The following SMG7 variants were observed in gnomAD, a reference collection of about 807,000 sequenced individuals.
SMG7 encodes the protein nonsense-mediated mRNA decay factor SMG7.
Under a neutral mutation model 148.2 loss-of-function variants are expected in SMG7, and 34 were observed. The ratio of observed to expected loss-of-function variants is 0.23; its 90% CI spans 0.17 to 0.31. The LOEUF is 0.31. SMG7 is among the 10% of genes least tolerant of loss of function. The pLI is 1.00. For missense variants in SMG7, 1,114 were observed against 1,408.4 expected (o/e 0.79, Z 3.35); for synonymous variants, 492 against 515.1 (o/e 0.96, Z 0.61).
At chr1:183,537,812 G>A (rs1047519053) in intron 11 of SMG7, among the ~76,000 whole-genome samples, 4 of 151,982 alleles carry the variant, frequency 2.6e-5, no homozygotes, top group Non-Finnish European at 5.9e-5. Flanking sequence ...ATCTATTTAC[G>A]CACTTTCTGT....
intron 1 of SMG7, among the ~76,000 whole-genome samples, chr1:183,509,759 T>C (rs1286699602): frequency 6.6e-6 from 1 of 152,232 alleles, no homozygotes; most frequent in Non-Finnish European, 1.5e-5. Flanking sequence ...ATTTTAACTT[T>C]TATGTCAGTT....
chr1:183,514,496 A>G (rs909551626), intron 2 of SMG7, among the ~76,000 whole-genome samples: 21 of 152,198 alleles, frequency 1.4e-4, no homozygotes, highest in African/African-American at 4.6e-4. Flanking sequence ...TTACTGTATT[A>G]TGCTCTTGAA....
At chr1:183,536,635 TA>T (rs1452932300) in intron 10 of SMG7, among the ~76,000 whole-genome samples, 1 of 152,118 alleles carries the variant, frequency 6.6e-6, no homozygotes, top group African/African-American at 2.4e-5. Context: ...AAACAGAGTT[TA>T]GAGTTAAGGC....
intron 4 of SMG7, among the ~76,000 whole-genome samples, chr1:183,525,079 A>G (rs12117885): frequency 0.32 from 48,439 of 151,988 alleles, 8,469 homozygotes; most frequent in East Asian, 0.52. Flanking sequence ...CGATATTTGT[A>G]AGTAAATATT....
chr1:183,526,470 A>C, intron 4 of SMG7, 126 bp from the exon 5 acceptor site: 1 of 625,924 alleles, frequency 1.6e-6, no homozygotes, highest in Non-Finnish European at 2.7e-6. Flanking sequence ...ATTACCATAT[A>C]ATTTTCATGC....
chr1:183,547,943 G>A (rs1244734618), intron 18 of SMG7, among the ~76,000 whole-genome samples: 1 of 152,038 alleles, frequency 6.6e-6, no homozygotes, highest in Non-Finnish European at 1.5e-5. Context: ...ACTGTGGGTG[G>A]GGAGTATAAA....
In SMG7 at chr1:183,551,100, T is replaced by C. The variant is rs763915617; in HGVS notation, c.3360T>C (p.Ser1120=). 7 of 1,613,530 alleles carry C rather than the reference T, an allele frequency of 4.3e-6. No individual in the cohort carries two copies. In the East Asian group the frequency reaches 1.1e-4, roughly 26 times the overall value. The change falls in exon 22 of 23, where the codon AGT becomes AGC. Residue 1120 remains serine (S), a synonymous_variant. Coordinates refer to ENST00000688051, the MANE Select transcript of SMG7 (RefSeq NM_001375584.1). ...CAGCAACGTCATCCTCTGAGAGCAG[T>C]TGGCATCAGGCCAGCACTCCGAGTG... is the stretch of plus-strand genomic sequence containing the variant. ...YLSATSSSES[S]WHQASTPSGT... is the part of the protein sequence containing the mutation.
Position 183,529,445 on chromosome 1 carries a change from C to A in SMG7, c.755C>A (p.Ala252Asp), listed in dbSNP as rs143466724. 6.2e-7 allele frequency: 1 copy of A among 1,613,236 alleles called. No homozygotes were observed. Among genetic ancestry groups the A allele is most frequent in the Non-Finnish European group, 8.5e-7 (1 of 1,179,364 alleles). ...TKWGVSDFIK[A>D]FIKFHGHVYL... ...TGGGGTGTTTCTGACTTCATCAAGG[C>A]CTTTATTAAATTCCACGGTCATGTG... The change falls in exon 8 of 23, where the codon GCC becomes GAC. Residue 252 changes from alanine (A) to aspartate (D), a missense_variant. Physicochemically the swap from Ala to Asp is moderately radical, Grantham distance 126 (BLOSUM62 -2). This residue lies in a region of SMG7 where 216 missense variants were observed against 329.1 expected (regional missense o/e 0.66). Coordinates refer to ENST00000688051, the MANE Select transcript of SMG7 (RefSeq NM_001375584.1).
chr1:183,521,459 C>A (rs1006551822), intron 4 of SMG7, among the ~76,000 whole-genome samples: 4 of 152,140 alleles, frequency 2.6e-5, no homozygotes, highest in Admixed American at 2.6e-4. Flanking sequence ...GTGTTACTAA[C>A]AATAGTGTTC....
chr1:183,477,715 T>C (rs1266572146), intron 1 of SMG7, among the ~76,000 whole-genome samples: 1 of 150,026 alleles, frequency 6.7e-6, no homozygotes, highest in African/African-American at 2.5e-5. Flanking sequence ...TATATACGTG[T>C]GTGCATGTGT....
intron 12 of SMG7, 134 bp from the exon 13 acceptor site, chr1:183,540,850 C>T (rs557123030): frequency 2.3e-5 from 14 of 606,192 alleles, no homozygotes; most frequent in African/African-American, 1.7e-4. Context: ...CTAATAAATG[C>T]AGTTGATTAC....
Position 183,480,297 on chromosome 1 carries a change from T to G in SMG7, c.29+7648T>G, listed in dbSNP as rs542619156. On this transcript the variant is annotated intron_variant, in intron 1 of 22. Coordinates refer to ENST00000688051, the MANE Select transcript of SMG7 (RefSeq NM_001375584.1). ...TGATCTGATTTTTCTTTTCAAGTTC[T>G]GTCCTTCTTTACCTTTGTTTTATGG... 4.6e-5 allele frequency among the ~76,000 whole-genome samples: 7 copies of G among 152,322 alleles called. No homozygotes were observed. In the East Asian group the frequency reaches 1.3e-3, roughly 29 times the overall value.
intron 1 of SMG7, among the ~76,000 whole-genome samples, chr1:183,499,915 T>C (rs1304622791): frequency 6.6e-6 from 1 of 152,208 alleles, no homozygotes; most frequent in Non-Finnish European, 1.5e-5. Context: ...TACTTTGTTA[T>C]GTCTTCTAAG....
intron 1 of SMG7, chr1:183,473,811 A>G: frequency 1.0e-6 from 1 of 985,342 alleles, no homozygotes; most frequent in Non-Finnish European, 1.2e-6. Context: ...ATGAGGTGGA[A>G]GTCTGAAATG....
In SMG7 at chr1:183,472,644, C is replaced by T. The variant is rs779809462; in HGVS notation, c.24C>T (p.Tyr8=). The change falls in exon 1 of 23, where the codon TAC becomes TAT. Residue 8 remains tyrosine (Y), a synonymous_variant. Coordinates refer to ENST00000688051, the MANE Select transcript of SMG7 (RefSeq NM_001375584.1). The stretch of plus-strand genomic sequence containing the variant: ...GGATGAGCCTGCAGAGCGCGCAGTA[C>T]CTCCGGTGAGTGCCGAGGCCGGGCT... The part of the protein sequence containing the change: MSLQSAQ[Y]LRQAEVLKAD... 2.9e-5 allele frequency: 43 copies of T among 1,472,394 alleles called. No individual in the cohort carries two copies. In the South Asian group the frequency reaches 4.8e-4, roughly 16 times the overall value. The allele number at this position is 1,472,394 out of a possible 1,614,324, so 91.2% of individuals were successfully genotyped here. A position where few individuals can be genotyped will look rare whatever the true frequency, so the allele number is the denominator to read the frequency against.
chr1:183,528,690 G>A (rs1035687178), intron 6 of SMG7, among the ~76,000 whole-genome samples: 1 of 152,116 alleles, frequency 6.6e-6, no homozygotes. Flanking sequence ...CCCTAATATT[G>A]ACTGTTTAAC....
chr1:183,542,483 A>G lies in SMG7; in HGVS notation c.1823A>G (p.Lys608Arg), dbSNP rs748222273. Residue 608 changes from lysine (K) to arginine (R), a missense_variant, in exon 14 of 23, where the codon AAG becomes AGG. By Grantham distance (26) the Lys-to-Arg change is conservative. Transcript: ENST00000688051. ...TTAGAAAAGTTACAGGAAACAGGAA[A>G]GCAGAATGTGGCAGTGCAGGTAAGC... Reference protein sequence around the residue: ...CTLEKLQETGKQNVAVQVKSQ... With the variant: ...CTLEKLQETGRQNVAVQVKSQ... The G allele has an allele frequency of 1.3e-5, 21 of 1,613,332 alleles. No individual in the cohort carries two copies. In the Admixed American group the frequency reaches 3.3e-4, roughly 26 times the overall value.
intron 1 of SMG7, among the ~76,000 whole-genome samples, chr1:183,482,950 G>T (rs536445579): frequency 1.6e-4 from 25 of 152,198 alleles, no homozygotes; most frequent in Admixed American, 9.8e-4. Flanking sequence ...AGCATTAGGG[G>T]GAAATATCAG....
chr1:183,538,805 A>G (rs1223054565), intron 12 of SMG7, among the ~76,000 whole-genome samples: 1 of 152,034 alleles, frequency 6.6e-6, no homozygotes, highest in Non-Finnish European at 1.5e-5. Context: ...AGTGTGCCCC[A>G]TTCTTTTAAA....
Sources: allele counts gnomAD v4.1 joint callset (sites outside exome capture counted in the v4.1 genomes callset), GRCh38; gene constraint gnomAD v4.1.1; regional missense constraint gnomAD v4.1.1; transcripts MANE v1.5; gene names NCBI Gene and HGNC (gene_info 2026-07-23, HGNC 2026-07-21).